MEX3D: variants seen among roughly 807,000 people sequenced by gnomAD.
MEX3D encodes RNA-binding protein MEX3D.
MEX3D carries 4 observed loss-of-function variants against 6.3 expected under a neutral mutation model. The observed-to-expected ratio is 0.64, with a 90% confidence interval of 0.31 to 1.46. MEX3D has a LOEUF of 1.46. Ranked by LOEUF, MEX3D falls within the 40% of genes most tolerant of loss-of-function variation. The pLI, the probability that MEX3D is intolerant of heterozygous loss-of-function variation, is 0.07. For missense variants in MEX3D, 1,038 were observed against 994.4 expected (o/e 1.04, Z -0.59); for synonymous variants, 626 against 494.1 (o/e 1.27, Z -3.54).
chr19:1,556,223 G>T lies in MEX3D; in HGVS notation c.1296C>A (p.Phe432Leu). ...CACCGGGACCCTCCGCGCCGAAGGC[G>T]AAGCCCCCGTTGCCGGAGCCGCTGT... ...SPYSGSGNGG[F>L]AFGAEGPGAP... Residue 432 changes from phenylalanine (F) to leucine (L), a missense_variant, in exon 2 of 2, where the codon TTC (phenylalanine) becomes TTA (leucine). Around this residue, in one of 5 missense-constraint regions of MEX3D, gnomAD observed 581 missense variants for 516.2 expected, o/e 1.13. Transcript: ENST00000402693. The surrounding 1 kb of genome is among the most constrained non-coding windows in gnomAD (Gnocchi z 7.5). 7.1e-7 allele frequency: 1 copy of T among 1,413,108 alleles called. No homozygotes were observed. Among genetic ancestry groups the T allele is most frequent in the East Asian group, 3.4e-5 (1 of 29,072 alleles). The allele number at this position is 1,413,108 out of a possible 1,614,324, so 87.5% of individuals were successfully genotyped here. A position where few individuals can be genotyped will look rare whatever the true frequency, so the allele number is the denominator to read the frequency against.
intron 1 of MEX3D, among the ~76,000 whole-genome samples, chr19:1,564,055 G>A (rs531040882): frequency 7.3e-5 from 11 of 151,650 alleles, no homozygotes; most frequent in Non-Finnish European, 1.2e-4. Flanking sequence ...GGATCCTCCT[G>A]CCTCAGCCTC....
At position 1,556,412 on chromosome 19, in the gene MEX3D, G is replaced by T; in HGVS notation, c.1107C>A (p.Ala369=). Residue 369 remains alanine (A), a synonymous_variant, in exon 2 of 2, where the codon GCC becomes GCA. Transcript: ENST00000402693. This position sits in a 1 kb window ranked among gnomAD's most constrained non-coding sequence, Gnocchi z 7.5. ...TDVCLDLLGA[A]ASLWAKTPNQ... is the part of the protein sequence containing the mutation. ...TGGGGGTCTTGGCCCAGAGGCTGGC[G>T]GCCGCCCCGAGCAGGTCCAGGCAGA... 1 of 1,577,430 alleles carries T rather than the reference G, an allele frequency of 6.3e-7. No homozygotes were observed.
intron 1 of MEX3D, among the ~76,000 whole-genome samples, chr19:1,566,141 G>A (rs1470610133): frequency 3.3e-5 from 5 of 152,182 alleles, no homozygotes; most frequent in Admixed American, 3.3e-4. Context: ...GCAGTAACAG[G>A]ATGGTAGGGC....
In MEX3D at chr19:1,568,185, G is replaced by A. The variant is rs894105354; in HGVS notation, c.-127C>T. On this transcript the variant is annotated 5_prime_UTR_variant, in exon 1 of 2. Coordinates refer to ENST00000402693, the MANE Select transcript of MEX3D (RefSeq NM_203304.4). ...CCAGCGGCGGGGGCGGGCACGGGGG[G>A]CCGGGCGGGCGGGGCGGCGGCGGCG... The A allele has an allele frequency of 1.5e-5, 12 of 791,518 alleles. No individual in the cohort carries two copies. Among genetic ancestry groups the A allele is most frequent in the Non-Finnish European group, 1.8e-5 (12 of 658,606 alleles). The allele number at this position is 791,518 out of a possible 1,614,324, so 49.0% of individuals were successfully genotyped here.
chr19:1,564,464 T>C (rs1378015420), intron 1 of MEX3D, among the ~76,000 whole-genome samples: 2 of 137,538 alleles, frequency 1.5e-5, no homozygotes, highest in Non-Finnish European at 3.0e-5. Context: ...ACCTGGGAGG[T>C]GGAGCTTGCA....
Position 1,556,932 on chromosome 19 carries a change from G to C in MEX3D, c.596-9C>G. 6.3e-7 allele frequency: 1 copy of C among 1,588,448 alleles called. No homozygotes were observed. Among genetic ancestry groups the C allele is most frequent in the Non-Finnish European group, 8.5e-7 (1 of 1,169,778 alleles). ...GGCCTTGATCTTGCAGCCTGTCCGG[G>C]AGGGAGGGGAAGGACAAGGTGACCC... On this transcript the variant is annotated splice_polypyrimidine_tract_variant and intron_variant, in intron 1 of 1. Coordinates refer to ENST00000402693, the MANE Select transcript of MEX3D (RefSeq NM_203304.4). The surrounding 1 kb of genome is among the most constrained non-coding windows in gnomAD (Gnocchi z 7.5).
intron 1 of MEX3D, among the ~76,000 whole-genome samples, chr19:1,557,764 CG>C (rs1215214839): frequency 7.3e-6 from 1 of 137,842 alleles, no homozygotes; most frequent in Non-Finnish European, 1.5e-5. Context: ...GAGGCTGAGG[CG>C]GAAGAATCGC....
intron 1 of MEX3D, among the ~76,000 whole-genome samples, chr19:1,566,880 A>G (rs1466988680): frequency 6.6e-6 from 1 of 152,044 alleles, no homozygotes; most frequent in Non-Finnish European, 1.5e-5. Context: ...TGGCTTTGAC[A>G]GCCGGTCCTT....
At position 1,555,336 on chromosome 19, in the gene MEX3D, A is replaced by C. The variant is rs1914487563; in HGVS notation, c.*227T>G. ...GTTTATTGTAACCTGACCACTCAAT[A>C]CTGTCGTTGAAGGGCTGAGGCGCCG... On this transcript the variant is annotated 3_prime_UTR_variant, in exon 2 of 2. Transcript: ENST00000402693. The C allele has an allele frequency of 6.2e-7, 1 of 1,600,310 alleles. No homozygotes were observed. The highest frequency in any genetic ancestry group is 8.5e-7 in the Non-Finnish European group (1 of 1,172,534).
chr19:1,563,215 C>G (rs1914762123), intron 1 of MEX3D, among the ~76,000 whole-genome samples: 1 of 152,132 alleles, frequency 6.6e-6, no homozygotes, highest in East Asian at 1.9e-4. Flanking sequence ...GTCGGGAAAA[C>G]CTGGGGCCTG....
intron 1 of MEX3D, among the ~76,000 whole-genome samples, chr19:1,558,236 A>G (rs984396588): frequency 6.6e-6 from 1 of 151,476 alleles, no homozygotes; most frequent in Non-Finnish European, 1.5e-5. Context: ...GTGGTGGTAC[A>G]CACCTGTAGT....
chr19:1,559,448 T>C (rs1914664037), intron 1 of MEX3D, among the ~76,000 whole-genome samples: 1 of 152,068 alleles, frequency 6.6e-6, no homozygotes, highest in Admixed American at 6.6e-5. Context: ...TTATTTTTAG[T>C]AGAGATGGGA....
chr19:1,562,068 T>C (rs1914732059), intron 1 of MEX3D, among the ~76,000 whole-genome samples: 1 of 151,904 alleles, frequency 6.6e-6, no homozygotes, highest in Non-Finnish European at 1.5e-5. Flanking sequence ...AAGACCATCC[T>C]AGCTAACACG....
rs373205976 is a variant in MEX3D, at chr19:1,556,201, C to G, written c.1318G>C (p.Gly440Arg). ...GGGGCGGCCGTCCCCACCGGGGCAC[C>G]GGGACCCTCCGCGCCGAAGGCGAAG... ...GGFAFGAEGP[G>R]APVGTAAPDD... Residue 440 changes from glycine to arginine, a missense_variant, in exon 2 of 2, where the codon GGT becomes CGT. Transcript: ENST00000402693. This position sits in a 1 kb window ranked among gnomAD's most constrained non-coding sequence, Gnocchi z 7.5. 26 of 1,441,904 alleles carry G rather than the reference C, an allele frequency of 1.8e-5. No homozygotes were observed. The highest frequency in any genetic ancestry group is 4.7e-5 in the Admixed American group (2 of 42,456). The allele number at this position is 1,441,904 out of a possible 1,614,324, so 89.3% of individuals were successfully genotyped here.
At chr19:1,560,626 T>A (rs1276982664) in intron 1 of MEX3D, among the ~76,000 whole-genome samples, 2 of 147,622 alleles carry the variant, frequency 1.4e-5, no homozygotes, top group Non-Finnish European at 2.9e-5. Context: ...CGTGTGACTG[T>A]CTGAGCAGAA....
chr19:1,567,605 G>A lies in MEX3D; in HGVS notation c.454C>T (p.Pro152Ser), dbSNP rs780987625. Residue 152 changes from proline to serine, a missense_variant, in exon 1 of 2, where the codon CCC (proline) becomes TCC (serine). By Grantham distance (74) the Pro-to-Ser change is moderately conservative. This residue lies in a region of MEX3D where 265 missense variants were observed against 206.3 expected (regional missense o/e 1.28). Coordinates refer to ENST00000402693, the MANE Select transcript of MEX3D (RefSeq NM_203304.4). This position sits in a 1 kb window ranked among gnomAD's most constrained non-coding sequence, Gnocchi z 6.5. ...SPPDVFAGFAPHPAALGPPTL... is the reference protein window; with the variant it reads ...SPPDVFAGFASHPAALGPPTL... ...GGGGGCCCCAGGGCCGCGGGGTGGGGCGCGAAGCCCGCGAACACGTCGGGG... is the reference window on the plus strand; with the variant it reads ...GGGGGCCCCAGGGCCGCGGGGTGGGACGCGAAGCCCGCGAACACGTCGGGG... 4.1e-5 allele frequency: 58 copies of A among 1,424,724 alleles called. No individual in the cohort carries two copies. Among genetic ancestry groups the A allele is most frequent in the Non-Finnish European group, 5.2e-5 (56 of 1,085,112 alleles). The allele number at this position is 1,424,724 out of a possible 1,614,324, so 88.3% of individuals were successfully genotyped here. A position where few individuals can be genotyped will look rare whatever the true frequency, so the allele number is the denominator to read the frequency against.
rs1914883812 is a variant in MEX3D at position 1,567,748 on chromosome 19, G to A, written c.311C>T (p.Pro104Leu). ...DGGAAPEPVP[P>L]DGPEAGAPPT... ...GGGCGCGCCGGCCTCAGGTCCGTCG[G>A]GGGGCACAGGCTCCGGAGCCGCCCC... Residue 104 changes from proline (P) to leucine (L), a missense_variant, in exon 1 of 2, where the codon CCC becomes CTC. Around this residue, in one of 5 missense-constraint regions of MEX3D, gnomAD observed 265 missense variants for 206.3 expected, o/e 1.28. Coordinates refer to ENST00000402693, the MANE Select transcript of MEX3D (RefSeq NM_203304.4). The surrounding 1 kb of genome is among the most constrained non-coding windows in gnomAD (Gnocchi z 6.5). 1.0e-6 allele frequency: 1 copy of A among 971,632 alleles called. No homozygotes were observed. Among genetic ancestry groups the A allele is most frequent in the African/African-American group, 1.8e-5 (1 of 56,590 alleles). The allele number at this position is 971,632 out of a possible 1,614,324, so 60.2% of individuals were successfully genotyped here.
chr19:1,563,417 C>CTCAT (rs1308187989), intron 1 of MEX3D, among the ~76,000 whole-genome samples: 3 of 152,232 alleles, frequency 2.0e-5, no homozygotes, highest in East Asian at 1.9e-4. Flanking sequence ...ACATCACTCA[C>CTCAT]TCATTCATTC....
Position 1,567,655 on chromosome 19 carries a change from G to A in MEX3D, c.404C>T (p.Pro135Leu), listed in dbSNP as rs917093235. The change falls in exon 1 of 2, where the codon CCG becomes CTG. Residue 135 changes from proline (P) to leucine (L), a missense_variant. Physicochemically the swap from Pro to Leu is moderately conservative, Grantham distance 98. Coordinates refer to ENST00000402693, the MANE Select transcript of MEX3D (RefSeq NM_203304.4). The surrounding 1 kb of genome is among the most constrained non-coding windows in gnomAD (Gnocchi z 6.5). The stretch of plus-strand genomic sequence containing the variant: ...GGGCGACGGCCGGGGCGGCGGCGGC[G>A]GCGGGGGACTCGCGTTGGGGTCCAG... Reference protein sequence around the residue: ...PLLDPNASPPPPPPPRPSPPD... With the variant: ...PLLDPNASPPLPPPPRPSPPD... The A allele has an allele frequency of 1.6e-6, 2 of 1,221,862 alleles. No homozygotes were observed. Among genetic ancestry groups the A allele is most frequent in the East Asian group, 3.4e-5 (1 of 29,128 alleles). 75.7% of individuals were successfully genotyped at this position (1,221,862 alleles called of 1,614,324 possible). A position where few individuals can be genotyped will look rare whatever the true frequency, so the allele number is the denominator to read the frequency against.
Sources: allele counts gnomAD v4.1 joint callset (sites outside exome capture counted in the v4.1 genomes callset), GRCh38; gene constraint gnomAD v4.1.1; regional missense constraint gnomAD v4.1.1; non-coding constraint Gnocchi (gnomAD v3.1); transcripts MANE v1.5; gene names NCBI Gene and HGNC (gene_info 2026-07-23, HGNC 2026-07-21).